TECTA: variants seen among roughly 807,000 people sequenced by gnomAD.
TECTA encodes the protein alpha-tectorin.
TECTA carries 128 observed loss-of-function variants against 216.8 expected under a neutral mutation model. The observed-to-expected ratio is 0.59, with a 90% CI of 0.51 to 0.68. TECTA has a LOEUF of 0.68. Among genes scored for constraint, TECTA ranks in the 30% least tolerant of loss-of-function variants. The probability of loss-of-function intolerance (pLI) is 0.00; values close to 1 mark genes in which losing one functional copy is unlikely to be tolerated. For synonymous variants in TECTA, 1,089 were observed against 1,117.1 expected, an observed-to-expected ratio of 0.97 and a Z score of 0.50; for missense variants, 2,551 against 2,786.2, an observed-to-expected ratio of 0.92 and a Z score of 1.90.
At chr11:121,137,190 T>TCGCACA (rs1221364150) in intron 10 of TECTA, among the ~76,000 whole-genome samples, 1 of 151,636 alleles carries the variant, frequency 6.6e-6, no homozygotes, top group Non-Finnish European at 1.5e-5. Context: ...ACACAGGCAC[T>TCGCACA]CATACGTACA....
Position 121,152,918 on chromosome 11 carries a change from C to A in TECTA, c.4143C>A (p.Cys1381Ter). The change falls in exon 13 of 24, where the codon TGC (cysteine) becomes TGA (stop). Residue 1381 changes from cysteine to a stop codon, truncating the protein, a stop_gained. Coordinates refer to ENST00000392793, the MANE Select transcript of TECTA (RefSeq NM_005422.4). LOFTEE classifies it high-confidence loss of function. ...CTCCAAACAGCCATTACGAGAGCTG[C>A]GTGAGTGTCTGCCAGCCCCGCTGCG... ...TCPPNSHYES[C>*]VSVCQPRCAA... 1 of 1,610,828 alleles carries A rather than the reference C, an allele frequency of 6.2e-7. No homozygotes were observed. The highest frequency in any genetic ancestry group is 8.5e-7 in the Non-Finnish European group (1 of 1,177,410).
intron 11 of TECTA, among the ~76,000 whole-genome samples, chr11:121,140,590 G>A (rs1946774651): frequency 6.6e-6 from 1 of 152,196 alleles, no homozygotes; most frequent in South Asian, 2.1e-4. Flanking sequence ...CAGTTCTGGA[G>A]GGTGTAAGTC....
At chr11:121,115,682 C>T (rs928861509) in intron 6 of TECTA, among the ~76,000 whole-genome samples, 49 of 152,206 alleles carry the variant, frequency 3.2e-4, no homozygotes, top group Middle Eastern at 3.4e-3. Flanking sequence ...CAGGGTCTCT[C>T]TCTGTCACCC....
intron 12 of TECTA, 26 bp from the exon 13 acceptor site, chr11:121,152,855 G>A: frequency 6.3e-7 from 1 of 1,586,054 alleles, no homozygotes; most frequent in Non-Finnish European, 8.6e-7. Context: ...GATCGTGCGA[G>A]TCTTGACTTG....
chr11:121,104,294 A>T (rs544071768), intron 2 of TECTA, among the ~76,000 whole-genome samples: 2 of 152,116 alleles, frequency 1.3e-5, no homozygotes, highest in Non-Finnish European at 2.9e-5. Flanking sequence ...TGTTACTATT[A>T]TGTAAATAGA....
intron 20 of TECTA, among the ~76,000 whole-genome samples, chr11:121,175,138 AC>A (rs1238819173): frequency 1.3e-5 from 2 of 151,802 alleles, no homozygotes; most frequent in Non-Finnish European, 2.9e-5. Flanking sequence ...CTTTCAAAAA[AC>A]CAGCTCCTGG....
intron 10 of TECTA, among the ~76,000 whole-genome samples, chr11:121,131,010 C>T (rs1162898571): frequency 2.7e-5 from 4 of 150,236 alleles, no homozygotes; most frequent in South Asian, 2.1e-4. Context: ...GTCAGGAGAT[C>T]GAGACCATCC....
chr11:121,141,212 G>T (rs1946780856), intron 11 of TECTA, among the ~76,000 whole-genome samples: 1 of 152,142 alleles, frequency 6.6e-6, no homozygotes, highest in Non-Finnish European at 1.5e-5. Flanking sequence ...TCAATGATTT[G>T]CATTTGTTTT....
At chr11:121,147,417 C>G (rs552924190) in intron 12 of TECTA, among the ~76,000 whole-genome samples, 3 of 152,036 alleles carry the variant, frequency 2.0e-5, no homozygotes, top group African/African-American at 7.3e-5. Context: ...AAGATGAAGG[C>G]GGGGAACAGA....
At chr11:121,173,982 C>G (rs1947139269) in intron 20 of TECTA, among the ~76,000 whole-genome samples, 2 of 151,894 alleles carry the variant, frequency 1.3e-5, no homozygotes. Context: ...CATGATTTGG[C>G]TCTCTGTTTG....
In TECTA at chr11:121,102,664, G is replaced by A. The variant is rs1263098973; in HGVS notation, c.-1-1G>A. 2 of 1,611,732 alleles carry A rather than the reference G, an allele frequency of 1.2e-6. No individual in the cohort carries two copies. The highest frequency in any genetic ancestry group is 1.1e-5 in the South Asian group (1 of 91,032). ...TTTTCATTTTCTTTTTAAAATTCCA[G>A]GATGAATTATTCATCATTCCTTAGA... On this transcript the variant is annotated splice_acceptor_variant, in intron 1 of 23. Coordinates refer to ENST00000392793, the MANE Select transcript of TECTA (RefSeq NM_005422.4). LOFTEE classifies it low-confidence loss of function (5UTR_SPLICE).
chr11:121,130,446 A>T (rs766332878), intron 10 of TECTA, among the ~76,000 whole-genome samples: 1 of 152,192 alleles, frequency 6.6e-6, no homozygotes, highest in Non-Finnish European at 1.5e-5. Flanking sequence ...CAGAACAATT[A>T]ACCATCCTAT....
intron 20 of TECTA, among the ~76,000 whole-genome samples, chr11:121,180,905 C>T (rs1057208280): frequency 2.7e-5 from 4 of 150,312 alleles, no homozygotes; most frequent in African/African-American, 7.3e-5. Flanking sequence ...CAGTGGCTCA[C>T]ACCTGTAGTC....
At chr11:121,122,167 A>C in intron 7 of TECTA, among the ~76,000 whole-genome samples, 1 of 152,054 alleles carries the variant, frequency 6.6e-6, no homozygotes, top group Non-Finnish European at 1.5e-5. Flanking sequence ...CTCAAAATTC[A>C]TATGTTGAAA....
At chr11:121,174,833 G>A (rs1037598558) in intron 20 of TECTA, among the ~76,000 whole-genome samples, 16 of 152,088 alleles carry the variant, frequency 1.1e-4, no homozygotes, top group Non-Finnish European at 2.1e-4. Flanking sequence ...GACTCTTTTT[G>A]GTTGGTAAGC....
chr11:121,169,039 A>C (rs1466447723), intron 20 of TECTA, 114 bp downstream of exon 20: 1 of 1,524,034 alleles, frequency 6.6e-7, no homozygotes, highest in African/African-American at 1.4e-5. Flanking sequence ...ACAAGGCCAG[A>C]ATTTTGCATT....
rs753223458 is a variant in TECTA at position 121,137,575 on chromosome 11, G to A, written c.3096G>A (p.Thr1032=). 22 of 1,613,846 alleles carry A rather than the reference G, an allele frequency of 1.4e-5. No homozygotes were observed. The highest frequency in any genetic ancestry group is 5.3e-5 in the African/African-American group (4 of 74,846). Residue 1032 remains threonine, a synonymous_variant, in exon 11 of 24, where the codon ACG becomes ACA. Transcript: ENST00000392793. The part of the protein sequence containing the change: ...GYALLGSQCV[T]RSECGCNFEG... ...CTCTACTGGGCAGCCAGTGTGTCAC[G>A]CGGAGTGAGTGTGGCTGCAACTTTG...
chr11:121,187,732 G>A, intron 20 of TECTA, 100 bp from the exon 21 acceptor site: 1 of 1,347,320 alleles, frequency 7.4e-7, no homozygotes, highest in Non-Finnish European at 1.1e-6. Context: ...TGCCATTTAT[G>A]GTGGTTTTAT....
intron 20 of TECTA, among the ~76,000 whole-genome samples, chr11:121,183,963 AT>A (rs1239336735): frequency 2.6e-5 from 4 of 151,526 alleles, no homozygotes; most frequent in Non-Finnish European, 4.4e-5. Flanking sequence ...AATTTTCTCT[AT>A]TTTTCGTAGA....
Sources: allele counts gnomAD v4.1 joint callset (sites outside exome capture counted in the v4.1 genomes callset), GRCh38; gene constraint gnomAD v4.1.1; transcripts MANE v1.5; gene names NCBI Gene and HGNC (gene_info 2026-07-23, HGNC 2026-07-21).